GUCA1C: variants seen among roughly 807,000 people sequenced by gnomAD.
GUCA1C encodes the protein guanylyl cyclase-activating protein 3.
Under a neutral mutation model 16.2 loss-of-function variants are expected in GUCA1C, and 15 were observed. The observed-to-expected ratio is 0.93, with a 90% CI of 0.62 to 1.43. The LOEUF is 1.43. Among genes scored for constraint, GUCA1C ranks in the 40% most tolerant of loss-of-function variants. The probability of loss-of-function intolerance (pLI) is 0.00; values close to 1 mark genes in which losing one functional copy is unlikely to be tolerated. For synonymous variants in GUCA1C, 78 were observed against 85.4 expected, an observed-to-expected ratio of 0.91 and a Z score of 0.48; for missense variants, 275 against 244.8, an observed-to-expected ratio of 1.12 and a Z score of -0.82.
intron 1 of GUCA1C, among the ~76,000 whole-genome samples, chr3:108,946,646 T>C (rs945197738): frequency 4.6e-5 from 7 of 152,156 alleles, no homozygotes; most frequent in Non-Finnish European, 1.0e-4. Context: ...TATAGCTAAA[T>C]ACCGGTTTAT....
rs113610836 is a variant in GUCA1C at position 108,924,251 on chromosome 3, C to T, written c.205-3666G>A. 9.7e-3 allele frequency among the ~76,000 whole-genome samples: 1,473 copies of T among 152,214 alleles called. 24 individuals are homozygous for T. The highest frequency in any genetic ancestry group is 0.033 in the African/African-American group (1,356 of 41,532). ...TCAGGGGAAATGCTTTCAACTTTTA[C>T]CCATTCAGTATGATGTTGGCTGTGG... On this transcript the variant is annotated intron_variant, in intron 1 of 3. Transcript: ENST00000261047.
intron 1 of GUCA1C, among the ~76,000 whole-genome samples, chr3:108,923,472 T>C (rs1946590123): frequency 2.0e-5 from 3 of 152,224 alleles, no homozygotes; most frequent in South Asian, 4.1e-4. Flanking sequence ...AGTATTTGGC[T>C]TTATTTCTGG....
At chr3:108,924,765 CT>C (rs1175839777) in intron 1 of GUCA1C, among the ~76,000 whole-genome samples, 3 of 151,516 alleles carry the variant, frequency 2.0e-5, no homozygotes, top group South Asian at 2.1e-4. Flanking sequence ...GAATCCTGGA[CT>C]TTTTTGTTGG....
intron 1 of GUCA1C, among the ~76,000 whole-genome samples, chr3:108,947,352 G>A (rs1946853039): frequency 6.6e-6 from 1 of 152,154 alleles, no homozygotes; most frequent in African/African-American, 2.4e-5. Context: ...GGCTGAGGAG[G>A]AGGAGGAAGA....
In GUCA1C at chr3:108,922,899, T is replaced by C. The variant is rs1003150555; in HGVS notation, c.205-2314A>G. Among the ~76,000 whole-genome samples, 4 of 152,090 alleles carry C rather than the reference T, an allele frequency of 2.6e-5. No individual in the cohort carries two copies. The East Asian group carries it at 5.8e-4, about 22-fold the overall frequency. ...CAACTCCCACTTATGAGTGAGAACA[T>C]GAGGTGTTTGGTTTTCTGTTCCTGT... is the stretch of plus-strand genomic sequence containing the variant. On this transcript the variant is annotated intron_variant, in intron 1 of 3. Coordinates refer to ENST00000261047, the MANE Select transcript of GUCA1C (RefSeq NM_005459.4).
intron 1 of GUCA1C, among the ~76,000 whole-genome samples, chr3:108,945,074 G>A (rs1362746292): frequency 6.6e-6 from 1 of 152,218 alleles, no homozygotes; most frequent in Non-Finnish European, 1.5e-5. Context: ...GCACTCCCTA[G>A]GAGCAGAGCC....
intron 1 of GUCA1C, among the ~76,000 whole-genome samples, chr3:108,946,235 C>T (rs963038708): frequency 6.6e-6 from 1 of 152,192 alleles, no homozygotes; most frequent in African/African-American, 2.4e-5. Flanking sequence ...TCAAGCGATC[C>T]TCCCACCTCA....
chr3:108,912,324 T>G (rs1264292246), intron 3 of GUCA1C, among the ~76,000 whole-genome samples: 1 of 151,828 alleles, frequency 6.6e-6, no homozygotes, highest in African/African-American at 2.4e-5. Flanking sequence ...TGGTAGAATA[T>G]GGATTGCTAT....
chr3:108,940,825 G>A (rs1261524906), intron 1 of GUCA1C, among the ~76,000 whole-genome samples: 1 of 152,174 alleles, frequency 6.6e-6, no homozygotes, highest in Non-Finnish European at 1.5e-5. Context: ...GTTTTCAACT[G>A]CATTATTTCA....
At chr3:108,950,054 C>A (rs888163487) in intron 1 of GUCA1C, among the ~76,000 whole-genome samples, 2 of 152,204 alleles carry the variant, frequency 1.3e-5, no homozygotes, top group Admixed American at 1.3e-4. Flanking sequence ...TTCCCCATCA[C>A]CCCCAGTCCT....
intron 1 of GUCA1C, among the ~76,000 whole-genome samples, chr3:108,928,836 T>C (rs139335783): frequency 4.6e-4 from 70 of 152,362 alleles, no homozygotes; most frequent in African/African-American, 1.5e-3. Context: ...TCTCAATTAC[T>C]ATACTTTTAC....
chr3:108,910,484 C>T (rs1261027591), intron 3 of GUCA1C, among the ~76,000 whole-genome samples: 9 of 141,368 alleles, frequency 6.4e-5, no homozygotes, highest in Non-Finnish European at 1.1e-4. Flanking sequence ...GGTGACACAG[C>T]GAGACTGTCT....
intron 3 of GUCA1C, among the ~76,000 whole-genome samples, chr3:108,914,355 C>A (rs889432174): frequency 6.6e-6 from 1 of 152,152 alleles, no homozygotes; most frequent in Non-Finnish European, 1.5e-5. Context: ...CTTGGGGAAC[C>A]TTCTTGGATA....
chr3:108,953,059 G>C (rs1946912282), intron 1 of GUCA1C, among the ~76,000 whole-genome samples: 1 of 151,950 alleles, frequency 6.6e-6, no homozygotes. Context: ...GGTAAACTAT[G>C]GGGAAAAAAG....
At chr3:108,940,282 C>T (rs973086913) in intron 1 of GUCA1C, among the ~76,000 whole-genome samples, 20 of 152,164 alleles carry the variant, frequency 1.3e-4, no homozygotes, top group African/African-American at 4.8e-4. Flanking sequence ...ATTGTGGTCA[C>T]CTTGTAGGCC....
chr3:108,935,385 T>A (rs1489285030), intron 1 of GUCA1C, among the ~76,000 whole-genome samples: 1 of 151,970 alleles, frequency 6.6e-6, no homozygotes, highest in Non-Finnish European at 1.5e-5. Context: ...AAGCACATTT[T>A]TATATCTATA....
At chr3:108,916,302 G>A (rs1946511634) in intron 2 of GUCA1C, 88 bp from the exon 3 acceptor site, 2 of 1,299,756 alleles carry the variant, frequency 1.5e-6, no homozygotes, top group Non-Finnish European at 2.2e-6. Context: ...ACAGAATTTG[G>A]GGATGTGTTG....
intron 1 of GUCA1C, among the ~76,000 whole-genome samples, chr3:108,924,699 G>A (rs13083681): frequency 0.025 from 3,858 of 151,972 alleles, 75 homozygotes; most frequent in Middle Eastern, 0.12. Flanking sequence ...CTTTTGGAGT[G>A]GTGTCAATAG....
intron 3 of GUCA1C, among the ~76,000 whole-genome samples, chr3:108,911,624 T>C (rs1345039567): frequency 3.3e-5 from 5 of 152,232 alleles, no homozygotes; most frequent in African/African-American, 1.2e-4. Context: ...GTAGTTTCTT[T>C]TCCTCTACGT....
Sources: gnomAD v4.1 joint callset for allele counts (sites outside exome capture counted in the v4.1 genomes callset) on GRCh38, gnomAD v4.1.1 for gene constraint, MANE v1.5 for transcripts, NCBI Gene and HGNC (gene_info 2026-07-23, HGNC 2026-07-21) for gene names.